Variants in ATP9B observed in about 807,000 individuals in gnomAD.
ATP9B encodes the protein ATPase phospholipid transporting 9B, also known as probable phospholipid-transporting ATPase IIB.
ATP9B carries 110 observed loss-of-function variants against 146.1 expected under a neutral mutation model. The ratio of observed to expected loss-of-function variants is 0.75; its 90% CI spans 0.65 to 0.88. The LOEUF is 0.88. ATP9B is among the 40% of genes least tolerant of loss of function. The pLI, the probability that ATP9B is intolerant of heterozygous loss-of-function variation, is 0.00. For missense variants in ATP9B, 1,499 were observed against 1,496.4 expected (o/e 1.00, Z -0.03); for synonymous variants, 604 against 569.7 (o/e 1.06, Z -0.86).
At chr18:79,199,771 A>G (rs936686530) in intron 9 of ATP9B, among the ~76,000 whole-genome samples, 32 of 151,706 alleles carry the variant, frequency 2.1e-4, no homozygotes, top group Admixed American at 5.9e-4. Flanking sequence ...TGAAAAAAAA[A>G]AAAAAAAGAA....
chr18:79,126,839 G>A (rs1221472114), intron 5 of ATP9B, among the ~76,000 whole-genome samples: 2 of 152,184 alleles, frequency 1.3e-5, no homozygotes, highest in Non-Finnish European at 2.9e-5. Context: ...ACTGATGCAA[G>A]CACACTTCTC....
intron 1 of ATP9B, among the ~76,000 whole-genome samples, chr18:79,076,494 G>A (rs376880868): frequency 2.6e-5 from 4 of 152,224 alleles, no homozygotes; most frequent in East Asian, 1.9e-4. Context: ...TCTGGTCTCC[G>A]TGCTTTCTGA....
chr18:79,118,774 C>T (rs956394287), intron 4 of ATP9B, among the ~76,000 whole-genome samples: 7 of 151,808 alleles, frequency 4.6e-5, no homozygotes, highest in Non-Finnish European at 8.8e-5. Flanking sequence ...GTTGTATTTA[C>T]TGCTTAAGTA....
intron 26 of ATP9B, among the ~76,000 whole-genome samples, chr18:79,366,263 C>G (rs540134454): frequency 6.6e-6 from 1 of 152,146 alleles, no homozygotes. Flanking sequence ...GACACCTGAC[C>G]GTGCCTCTCT....
At chr18:79,098,185 T>C (rs982378648) in intron 2 of ATP9B, among the ~76,000 whole-genome samples, 10 of 152,064 alleles carry the variant, frequency 6.6e-5, no homozygotes, top group African/African-American at 2.4e-4. Context: ...TGGCTAGCCA[T>C]ATGTAGAAAG....
intron 25 of ATP9B, among the ~76,000 whole-genome samples, chr18:79,350,286 G>A (rs753753308): frequency 6.6e-6 from 1 of 152,260 alleles, no homozygotes; most frequent in Non-Finnish European, 1.5e-5. Context: ...CTTCGCAGGT[G>A]TCTTCAGGCT....
chr18:79,373,195 G>C (rs1364781472), intron 27 of ATP9B, among the ~76,000 whole-genome samples: 1 of 152,160 alleles, frequency 6.6e-6, no homozygotes, highest in African/African-American at 2.4e-5. Context: ...AAAAGACTTT[G>C]AGAAATCTGA....
At chr18:79,375,884 A>G in intron 29 of ATP9B, 1 of 985,406 alleles carries the variant, frequency 1.0e-6, no homozygotes, top group Non-Finnish European at 1.2e-6. Flanking sequence ...GCAACAGTCT[A>G]AAGGGATTTC....
At chr18:79,359,753 A>T (rs1158367232) in intron 26 of ATP9B, 2 of 342,502 alleles carry the variant, frequency 5.8e-6, no homozygotes, top group African/African-American at 4.2e-5. Flanking sequence ...CCATTTGTGG[A>T]ACTTTTGTGA....
chr18:79,285,306 T>A (rs1297162859), intron 13 of ATP9B, among the ~76,000 whole-genome samples: 1 of 152,036 alleles, frequency 6.6e-6, no homozygotes, highest in Non-Finnish European at 1.5e-5. Flanking sequence ...TTCTAATGAT[T>A]GCCATTCTAA....
At chr18:79,209,110 T>C (rs1199657385) in intron 10 of ATP9B, among the ~76,000 whole-genome samples, 2 of 152,186 alleles carry the variant, frequency 1.3e-5, no homozygotes, top group East Asian at 3.9e-4. Flanking sequence ...GGGAGGTGTG[T>C]TCCCCCTGCC....
intron 26 of ATP9B, among the ~76,000 whole-genome samples, chr18:79,370,743 G>A (rs1160677135): frequency 6.6e-6 from 1 of 152,054 alleles, no homozygotes; most frequent in Non-Finnish European, 1.5e-5. Flanking sequence ...CAGGTCTGAG[G>A]TGCTCCCTGT....
chr18:79,069,464 C>G lies in ATP9B; in HGVS notation c.54C>G (p.Ala18=), dbSNP rs1022690866. The G allele has an allele frequency of 4.0e-6, 6 of 1,507,584 alleles. No individual in the cohort carries two copies. The highest frequency in any genetic ancestry group is 5.3e-6 in the Non-Finnish European group (6 of 1,131,104). The allele number at this position is 1,507,584 out of a possible 1,614,324, so 93.4% of individuals were successfully genotyped here. A position where few individuals can be genotyped will look rare whatever the true frequency, so the allele number is the denominator to read the frequency against. The stretch of plus-strand genomic sequence containing the variant: ...TGCGTAGCGCAGCGGCGGCCGCAGC[C>G]AACCGCAAACGCGCGGCCTACTACA... ...YPVRSAAAAA[A]NRKRAAYYSA... is the part of the protein sequence containing the mutation. Residue 18 remains alanine, a synonymous_variant, in exon 1 of 30, where the codon GCC becomes GCG. Coordinates refer to ENST00000426216, the MANE Select transcript of ATP9B (RefSeq NM_198531.5).
At chr18:79,330,373 A>G (rs1480032360) in intron 17 of ATP9B, among the ~76,000 whole-genome samples, 3 of 152,154 alleles carry the variant, frequency 2.0e-5, no homozygotes, top group Non-Finnish European at 4.4e-5. Context: ...TCTCAATTTC[A>G]TAAAGGAGAA....
intron 14 of ATP9B, 96 bp from the exon 15 acceptor site, chr18:79,306,890 C>T: frequency 7.2e-7 from 1 of 1,386,722 alleles, no homozygotes; most frequent in South Asian, 1.4e-5. Context: ...TTTCTAGCTA[C>T]TTTGCTTGTA....
intron 26 of ATP9B, chr18:79,362,340 A>G (rs549705238): frequency 6.6e-6 from 1 of 152,354 alleles, no homozygotes; most frequent in South Asian, 2.1e-4. Context: ...ACACATCGAC[A>G]CAGTATCTGT....
chr18:79,366,737 C>T (rs775027043), intron 26 of ATP9B, among the ~76,000 whole-genome samples: 5 of 152,194 alleles, frequency 3.3e-5, no homozygotes, highest in Non-Finnish European at 7.3e-5. Flanking sequence ...GCAGATTATG[C>T]GGACGAGACC....
At chr18:79,298,202 A>T (rs114280333) in intron 13 of ATP9B, among the ~76,000 whole-genome samples, 1,646 of 146,918 alleles carry the variant, frequency 0.011, 182 homozygotes, top group African/African-American at 0.039. Context: ...AGATGGAATA[A>T]TTATCTACCT....
chr18:79,118,955 C>T (rs1426600224), intron 4 of ATP9B, among the ~76,000 whole-genome samples: 9 of 151,702 alleles, frequency 5.9e-5, no homozygotes, highest in Admixed American at 5.9e-4. Context: ...TCTTTAGTCC[C>T]AGCTACTCAG....
Sources: gnomAD v4.1 joint callset for allele counts (sites outside exome capture counted in the v4.1 genomes callset) on GRCh38, gnomAD v4.1.1 for gene constraint, MANE v1.5 for transcripts, NCBI Gene and HGNC (gene_info 2026-07-23, HGNC 2026-07-21) for gene names.